Variants in MAGI2 observed in about 807,000 individuals in gnomAD.
MAGI2 encodes the protein membrane associated guanylate kinase, WW and PDZ domain containing 2.
A neutral mutation model predicts 133.3 loss-of-function variants in MAGI2; 35 were observed. The observed-to-expected ratio is 0.26, with a 90% CI of 0.20 to 0.35. MAGI2 has a LOEUF of 0.35. Among genes scored for constraint, MAGI2 ranks in the 10% least tolerant of loss-of-function variants. MAGI2 has a pLI of 1.00. For synonymous variants in MAGI2, 729 were observed against 710.6 expected (o/e 1.03, Z -0.41); for missense variants, 1,636 against 1,863.4 (o/e 0.88, Z 2.25).
intron 1 of MAGI2, among the ~76,000 whole-genome samples, chr7:79,255,904 T>A (rs1454938779): frequency 1.3e-5 from 2 of 152,310 alleles, no homozygotes; most frequent in East Asian, 3.9e-4. Flanking sequence ...TCCAGTTGAA[T>A]GGGGTTGGTC....
intron 3 of MAGI2, among the ~76,000 whole-genome samples, chr7:78,623,190 A>C (rs1224021796): frequency 6.6e-6 from 1 of 152,078 alleles, no homozygotes; most frequent in African/African-American, 2.4e-5. Context: ...ATATAAAATC[A>C]GTTTAGAGAG....
intron 1 of MAGI2, among the ~76,000 whole-genome samples, chr7:79,086,134 C>G (rs538300963): frequency 6.6e-6 from 1 of 151,992 alleles, no homozygotes; most frequent in East Asian, 1.9e-4. Context: ...TTTGGTGATG[C>G]CCCCTCAGGC....
chr7:78,700,022 C>G (rs1289313935), intron 2 of MAGI2, among the ~76,000 whole-genome samples: 1 of 152,072 alleles, frequency 6.6e-6, no homozygotes, highest in Non-Finnish European at 1.5e-5. Context: ...AAGCAAATCA[C>G]TTGGACCTAA....
At chr7:78,575,461 C>T (rs1049165589) in intron 3 of MAGI2, among the ~76,000 whole-genome samples, 2 of 152,024 alleles carry the variant, frequency 1.3e-5, no homozygotes, top group African/African-American at 4.8e-5. Flanking sequence ...CATAAATCCC[C>T]ACTACTTAAG....
chr7:79,393,862 C>T (rs1234572964), intron 1 of MAGI2, among the ~76,000 whole-genome samples: 2 of 152,236 alleles, frequency 1.3e-5, no homozygotes, highest in East Asian at 3.9e-4. Context: ...ACCCAGATGT[C>T]CAAAATACAA....
intron 1 of MAGI2, among the ~76,000 whole-genome samples, chr7:79,263,731 T>TGG (rs1834240665): frequency 6.6e-6 from 1 of 152,128 alleles, no homozygotes; most frequent in Admixed American, 6.6e-5. Context: ...AAGAAAAATA[T>TGG]ATGCTGCTTT....
intron 6 of MAGI2, among the ~76,000 whole-genome samples, chr7:78,457,774 T>G (rs1278491339): frequency 6.6e-6 from 1 of 152,142 alleles, no homozygotes; most frequent in Non-Finnish European, 1.5e-5. Context: ...ATGACAATGA[T>G]GTAAATTGTC....
At chr7:79,322,349 A>T (rs1839243044) in intron 1 of MAGI2, among the ~76,000 whole-genome samples, 1 of 152,130 alleles carries the variant, frequency 6.6e-6, no homozygotes, top group African/African-American at 2.4e-5. Flanking sequence ...AGAAACATTG[A>T]TCTATTGACT....
intron 20 of MAGI2, among the ~76,000 whole-genome samples, chr7:78,091,235 G>A (rs1190535063): frequency 1.3e-5 from 2 of 152,134 alleles, no homozygotes; most frequent in Non-Finnish European, 2.9e-5. Context: ...AGCCCCCAGT[G>A]CAACAGTGTA....
At chr7:78,289,344 A>G (rs190222952) in intron 9 of MAGI2, among the ~76,000 whole-genome samples, 1 of 152,210 alleles carries the variant, frequency 6.6e-6, no homozygotes, top group Admixed American at 6.5e-5. Context: ...GTCAAGTGGA[A>G]GAAAGGTATC....
chr7:78,260,048 T>C (rs1054741181), intron 9 of MAGI2, among the ~76,000 whole-genome samples: 15 of 152,178 alleles, frequency 9.9e-5, no homozygotes, highest in African/African-American at 3.6e-4. Context: ...AGAAGATTTC[T>C]GAATGTAAAA....
chr7:79,369,663 G>A (rs1842937567), intron 1 of MAGI2, among the ~76,000 whole-genome samples: 1 of 152,162 alleles, frequency 6.6e-6, no homozygotes, highest in South Asian at 2.1e-4. Context: ...ATGTGATGAA[G>A]GATGAGATTG....
intron 1 of MAGI2, among the ~76,000 whole-genome samples, chr7:79,017,056 C>T (rs1340152060): frequency 6.6e-6 from 1 of 152,256 alleles, no homozygotes; most frequent in Non-Finnish European, 1.5e-5. Context: ...CACATCTGTT[C>T]CCATCAACAC....
intron 9 of MAGI2, among the ~76,000 whole-genome samples, chr7:78,326,969 T>A (rs1231814205): frequency 6.6e-6 from 1 of 152,196 alleles, no homozygotes; most frequent in Non-Finnish European, 1.5e-5. Context: ...TATGCTTTTT[T>A]ATGTTGGCTG....
chr7:79,069,091 G>C (rs1814684337), intron 1 of MAGI2, among the ~76,000 whole-genome samples: 2 of 152,030 alleles, frequency 1.3e-5, no homozygotes, highest in South Asian at 4.2e-4. Context: ...TTGGGGTAGA[G>C]AGTTCTGTAG....
chr7:79,266,851 G>C (rs1297641274), intron 1 of MAGI2, among the ~76,000 whole-genome samples: 3 of 152,048 alleles, frequency 2.0e-5, no homozygotes, highest in Non-Finnish European at 4.4e-5. Context: ...ACAATGCTTT[G>C]GTTCCCTAAA....
At position 78,051,905 on chromosome 7, in the gene MAGI2, A is replaced by T. The variant is rs1321126996; in HGVS notation, c.3706+27042T>A. ...CAGCCTTTTTTTTTTTTTTTTTAAGACAAGATCTTGCTGTGTTACCCAGGC... is the reference window on the plus strand; with the variant it reads ...CAGCCTTTTTTTTTTTTTTTTTAAGTCAAGATCTTGCTGTGTTACCCAGGC... On this transcript the variant is annotated intron_variant, in intron 21 of 21. Coordinates refer to ENST00000354212, the MANE Select transcript of MAGI2 (RefSeq NM_012301.4). Among the ~76,000 whole-genome samples the T allele has an allele frequency of 5.8e-5, 6 of 104,006 alleles. 1 individual carries two copies. Among genetic ancestry groups the T allele is most frequent in the Non-Finnish European group, 3.6e-5 (2 of 55,598 alleles). 68.2% of individuals were successfully genotyped at this position (104,006 alleles called of 152,430 possible). A position where few individuals can be genotyped will look rare whatever the true frequency, so the allele number is the denominator to read the frequency against.
At chr7:79,332,162 A>T (rs534203441) in intron 1 of MAGI2, among the ~76,000 whole-genome samples, 1 of 152,298 alleles carries the variant, frequency 6.6e-6, no homozygotes, top group African/African-American at 2.4e-5. Flanking sequence ...GATCAGATCC[A>T]CAAGGGATGA....
intron 2 of MAGI2, among the ~76,000 whole-genome samples, chr7:78,715,915 G>A (rs926325186): frequency 1.3e-5 from 1 of 78,812 alleles, no homozygotes; most frequent in Non-Finnish European, 2.9e-5. Context: ...TCCAGTCACA[G>A]AGCTTTTAGG....
Sources: gnomAD v4.1 joint callset for allele counts (sites outside exome capture counted in the v4.1 genomes callset) on GRCh38, gnomAD v4.1.1 for gene constraint, MANE v1.5 for transcripts, NCBI Gene and HGNC (gene_info 2026-07-23, HGNC 2026-07-21) for gene names.